SNX25: variants seen among roughly 807,000 people sequenced by gnomAD.
SNX25 encodes the protein sorting nexin-25.
Under a neutral mutation model 113.7 loss-of-function variants are expected in SNX25, and 62 were observed. The observed-to-expected ratio is 0.55, with a 90% confidence interval of 0.44 to 0.67. The LOEUF is 0.67. Ranked by LOEUF, SNX25 falls within the 30% of genes least tolerant of loss-of-function variation. SNX25 has a pLI of 0.00. For missense variants in SNX25, 1,014 were observed against 1,161.0 expected (o/e 0.87, Z 1.84); for synonymous variants, 421 against 436.2 (o/e 0.97, Z 0.43).
At chr4:185,300,313 C>T (rs1753463557) in intron 6 of SNX25, among the ~76,000 whole-genome samples, 1 of 151,762 alleles carries the variant, frequency 6.6e-6, no homozygotes, top group Admixed American at 6.6e-5. Flanking sequence ...CGCCTGCCCC[C>T]ACACCCAGCT....
At chr4:185,368,050 C>T (rs28593690), downstream of SNX25, among the ~76,000 whole-genome samples, 14,649 of 151,974 alleles carry the variant, frequency 0.096, 854 homozygotes, top group African/African-American at 0.16. Context: ...TGGTGGTGGG[C>T]GCCTGTGGTG....
chr4:185,265,234 C>T (rs1033416022), intron 4 of SNX25, among the ~76,000 whole-genome samples: 8 of 152,016 alleles, frequency 5.3e-5, no homozygotes, highest in Admixed American at 5.2e-4. Context: ...GGGATGTGTC[C>T]GAAGAAATGT....
At chr4:185,260,072 G>A (rs1208874122) in intron 3 of SNX25, among the ~76,000 whole-genome samples, 1 of 152,132 alleles carries the variant, frequency 6.6e-6, no homozygotes, top group Non-Finnish European at 1.5e-5. Context: ...AAATTCACTT[G>A]ATATTATGAC....
chr4:185,256,258 C>T (rs1050348327), intron 2 of SNX25, among the ~76,000 whole-genome samples: 1 of 152,108 alleles, frequency 6.6e-6, no homozygotes, highest in Non-Finnish European at 1.5e-5. Flanking sequence ...TTATCTTATC[C>T]CTACAACTGA....
At chr4:185,260,545 G>A (rs1747146215) in intron 3 of SNX25, among the ~76,000 whole-genome samples, 1 of 152,156 alleles carries the variant, frequency 6.6e-6, no homozygotes, top group South Asian at 2.1e-4. Context: ...ACATTTGCCA[G>A]TTCACTACTC....
intron 4 of SNX25, among the ~76,000 whole-genome samples, chr4:185,265,939 T>C (rs1748015539): frequency 6.6e-6 from 1 of 152,188 alleles, no homozygotes. Context: ...CATAATTTTG[T>C]GAACTTGGAA....
At chr4:185,348,066 C>T (rs1258435214) in intron 13 of SNX25, among the ~76,000 whole-genome samples, 1 of 152,168 alleles carries the variant, frequency 6.6e-6, no homozygotes, top group East Asian at 1.9e-4. Flanking sequence ...CCTTTAAACA[C>T]TTTATTATTT....
intron 2 of SNX25, among the ~76,000 whole-genome samples, chr4:185,258,142 GC>G (rs1197509441): frequency 6.6e-6 from 1 of 152,140 alleles, no homozygotes; most frequent in Non-Finnish European, 1.5e-5. Context: ...TGAGATCCAG[GC>G]CTTGGAGAAG....
At chr4:185,239,387 G>C (rs1743240766) in intron 1 of SNX25, among the ~76,000 whole-genome samples, 1 of 152,166 alleles carries the variant, frequency 6.6e-6, no homozygotes, top group South Asian at 2.1e-4. Flanking sequence ...GGAGGCTGAG[G>C]CAGGAGAATG....
chr4:185,337,773 A>T (rs2095239343), intron 10 of SNX25, among the ~76,000 whole-genome samples: 1 of 152,118 alleles, frequency 6.6e-6, no homozygotes, highest in Non-Finnish European at 1.5e-5. Context: ...TTATTTTCTT[A>T]TTTCATAACC....
chr4:185,269,348 C>T (rs1355850562), intron 5 of SNX25, among the ~76,000 whole-genome samples: 1 of 152,168 alleles, frequency 6.6e-6, no homozygotes, highest in Non-Finnish European at 1.5e-5. Context: ...TTCGTGCCTG[C>T]TGTTCCTGGA....
chr4:185,349,916 A>G (rs749739514), intron 13 of SNX25, among the ~76,000 whole-genome samples: 3 of 152,266 alleles, frequency 2.0e-5, no homozygotes, highest in Admixed American at 6.5e-5. Context: ...AGTGAAGGAC[A>G]TCAAGATGGG....
At chr4:185,205,365 A>T (rs1377661354), upstream of SNX25, among the ~76,000 whole-genome samples, 1 of 152,080 alleles carries the variant, frequency 6.6e-6, no homozygotes, top group Non-Finnish European at 1.5e-5. Context: ...GAGACAGGAG[A>T]ATCGCTTGAA....
chr4:185,290,287 C>A (rs1751959479), intron 6 of SNX25, among the ~76,000 whole-genome samples: 1 of 152,220 alleles, frequency 6.6e-6, no homozygotes, highest in Non-Finnish European at 1.5e-5. Flanking sequence ...TACAGACATT[C>A]TCAGTGACCC....
At chr4:185,338,433 C>T (rs1284135784) in intron 10 of SNX25, among the ~76,000 whole-genome samples, 2 of 151,690 alleles carry the variant, frequency 1.3e-5, no homozygotes, top group Non-Finnish European at 2.9e-5. Flanking sequence ...CGCCCCCAAC[C>T]CCCTCCACCA....
chr4:185,244,890 G>A (rs1239560423), intron 1 of SNX25, among the ~76,000 whole-genome samples: 2 of 151,900 alleles, frequency 1.3e-5, no homozygotes, highest in African/African-American at 4.8e-5. Flanking sequence ...CAGTAAGCAC[G>A]AACAGGGATG....
intron 9 of SNX25, among the ~76,000 whole-genome samples, chr4:185,324,252 G>A (rs2095140411): frequency 6.6e-6 from 1 of 152,190 alleles, no homozygotes; most frequent in Non-Finnish European, 1.5e-5. Context: ...GAATGTGGGA[G>A]AAGTTAAAGG....
intron 6 of SNX25, among the ~76,000 whole-genome samples, chr4:185,299,910 C>T (rs1019582292): frequency 6.6e-6 from 1 of 152,148 alleles, no homozygotes; most frequent in Non-Finnish European, 1.5e-5. Flanking sequence ...ACATTGGAAA[C>T]TGCTGTGTAT....
chr4:185,219,868 A>G (rs532684565), intron 1 of SNX25, among the ~76,000 whole-genome samples: 260 of 151,632 alleles, frequency 1.7e-3, no homozygotes, highest in African/African-American at 5.4e-3. Context: ...TAACTGTTCC[A>G]GATATTTCCA....
Sources: gnomAD v4.1 joint callset for allele counts (sites outside exome capture counted in the v4.1 genomes callset) on GRCh38, gnomAD v4.1.1 for gene constraint, MANE v1.5 for transcripts, NCBI Gene and HGNC (gene_info 2026-07-23, HGNC 2026-07-21) for gene names.